Variants in DNAJC1 observed in about 807,000 individuals in gnomAD.
DNAJC1 encodes the protein dnaJ homolog subfamily C member 1.
In DNAJC1, 58 loss-of-function variants were observed where a neutral mutation model predicts 76.6. That is an observed-to-expected ratio of 0.76 (90% CI 0.61 to 0.94). The LOEUF (loss-of-function observed/expected upper bound fraction) is 0.94. Ranked by LOEUF, DNAJC1 falls within the 40% of genes least tolerant of loss-of-function variation. The pLI, the probability that DNAJC1 is intolerant of heterozygous loss-of-function variation, is 0.00. For missense variants in DNAJC1, 689 were observed against 677.3 expected (o/e 1.02, Z -0.19); for synonymous variants, 258 against 267.9 (o/e 0.96, Z 0.36).
At chr10:21,843,524 G>C (rs1835605738) in intron 8 of DNAJC1, among the ~76,000 whole-genome samples, 3 of 151,622 alleles carry the variant, frequency 2.0e-5, no homozygotes, top group Admixed American at 2.0e-4. Context: ...CTCCCAAGTG[G>C]CTGGGAGTAC....
chr10:21,987,190 C>G (rs1838262972), intron 1 of DNAJC1, among the ~76,000 whole-genome samples: 1 of 152,066 alleles, frequency 6.6e-6, no homozygotes, highest in African/African-American at 2.4e-5. Context: ...ACATTTTATA[C>G]TCCCTCAGCT....
intron 10 of DNAJC1, among the ~76,000 whole-genome samples, chr10:21,765,459 G>A (rs1834289468): frequency 6.6e-6 from 1 of 152,174 alleles, no homozygotes; most frequent in African/African-American, 2.4e-5. Flanking sequence ...AGGTTGCAAA[G>A]TTTCTGAAGC....
At chr10:21,879,615 C>G (rs1836239919) in intron 8 of DNAJC1, among the ~76,000 whole-genome samples, 2 of 152,122 alleles carry the variant, frequency 1.3e-5, no homozygotes, top group East Asian at 1.9e-4. Context: ...CAGAGAGAGA[C>G]TCTGTCTCAA....
intron 1 of DNAJC1, among the ~76,000 whole-genome samples, chr10:21,985,955 C>T (rs936523200): frequency 2.0e-5 from 3 of 152,094 alleles, no homozygotes; most frequent in African/African-American, 4.8e-5. Context: ...CGGCCGGGCA[C>T]GGTGGCTCAC....
intron 8 of DNAJC1, among the ~76,000 whole-genome samples, chr10:21,878,946 G>C (rs1226974063): frequency 6.6e-6 from 1 of 152,106 alleles, no homozygotes; most frequent in Non-Finnish European, 1.5e-5. Context: ...GTATTATACA[G>C]CAATGAAAAT....
At chr10:21,854,556 T>C (rs1206001974) in intron 8 of DNAJC1, among the ~76,000 whole-genome samples, 1 of 151,980 alleles carries the variant, frequency 6.6e-6, no homozygotes, top group Non-Finnish European at 1.5e-5. Flanking sequence ...CATTTAGAGA[T>C]ACAGGAAAAA....
intron 1 of DNAJC1, among the ~76,000 whole-genome samples, chr10:21,961,532 T>C (rs1837790930): frequency 6.6e-6 from 1 of 152,070 alleles, no homozygotes; most frequent in South Asian, 2.1e-4. Context: ...GGCAAATCCA[T>C]AGAGACAGAA....
intron 1 of DNAJC1, among the ~76,000 whole-genome samples, chr10:21,941,095 C>CAAAAAAAAAAAA (rs1208799870): frequency 1.0e-4 from 4 of 39,040 alleles, no homozygotes; most frequent in East Asian, 6.2e-4. Context: ...ACTAAAAATA[C>CAAAAAAAAAAAA]AAAAAAAAAA....
In DNAJC1 at chr10:21,928,506, C is replaced by G; in HGVS notation, c.371G>C (p.Arg124Thr). Residue 124 changes from arginine to threonine, a missense_variant and splice_region_variant, in exon 3 of 12, where the codon AGG (arginine) becomes ACG (threonine). Physicochemically the swap from Arg to Thr is moderately conservative, Grantham distance 71. Coordinates refer to ENST00000376980, the MANE Select transcript of DNAJC1 (RefSeq NM_022365.4). ...TTCAAAAGCAGAAATGAACACTCAC[C>G]TCTGCCTTCGTTCATCATCCTTTAA... ...EVLKDDERRQ[R>T]YDDILINGLP... The G allele has an allele frequency of 6.2e-7, 1 of 1,612,278 alleles. No homozygotes were observed. Among genetic ancestry groups the G allele is most frequent in the Non-Finnish European group, 8.5e-7 (1 of 1,178,724 alleles).
chr10:21,928,187 T>C (rs576150487), intron 3 of DNAJC1, among the ~76,000 whole-genome samples: 179 of 152,292 alleles, frequency 1.2e-3, no homozygotes, highest in African/African-American at 2.7e-3. Context: ...TGGGAAGGAA[T>C]GGACATTTAT....
chr10:21,927,813 G>A (rs769416088), intron 3 of DNAJC1, among the ~76,000 whole-genome samples: 1 of 152,110 alleles, frequency 6.6e-6, no homozygotes, highest in African/African-American at 2.4e-5. Flanking sequence ...AGGGGCCTCT[G>A]TGTAATCTCC....
chr10:21,944,964 G>A (rs1474502056), intron 1 of DNAJC1, among the ~76,000 whole-genome samples: 2 of 152,218 alleles, frequency 1.3e-5, no homozygotes, highest in Non-Finnish European at 2.9e-5. Flanking sequence ...TGCCAAGTAG[G>A]AGGTGTTTTT....
At chr10:21,968,684 G>A (rs890382200) in intron 1 of DNAJC1, among the ~76,000 whole-genome samples, 1 of 151,644 alleles carries the variant, frequency 6.6e-6, no homozygotes, top group African/African-American at 2.4e-5. Context: ...CTAATTTTTT[G>A]TATTTTTAGT....
At chr10:21,822,493 A>G (rs1274500342) in intron 8 of DNAJC1, among the ~76,000 whole-genome samples, 1 of 151,788 alleles carries the variant, frequency 6.6e-6, no homozygotes, top group East Asian at 1.9e-4. Flanking sequence ...AAATAAATAC[A>G]TGGAGACGAT....
intron 9 of DNAJC1, among the ~76,000 whole-genome samples, chr10:21,782,589 A>G (rs1232768346): frequency 6.6e-6 from 1 of 152,192 alleles, no homozygotes; most frequent in Admixed American, 6.5e-5. Context: ...CCTGGCAGAG[A>G]CACAACAAAA....
chr10:21,931,811 T>G (rs536461302), intron 1 of DNAJC1, among the ~76,000 whole-genome samples: 6 of 152,220 alleles, frequency 3.9e-5, no homozygotes, highest in African/African-American at 1.4e-4. Context: ...TTAGATGTTT[T>G]ATCTCTCCAG....
chr10:21,952,756 C>CTCAATCAA (rs533597442), intron 1 of DNAJC1, among the ~76,000 whole-genome samples: 1 of 152,098 alleles, frequency 6.6e-6, no homozygotes, highest in Non-Finnish European at 1.5e-5. Flanking sequence ...AAGACTCCGT[C>CTCAATCAA]TCAATCAATC....
intron 5 of DNAJC1, 90 bp from the exon 6 acceptor site, chr10:21,918,962 A>G: frequency 1.1e-6 from 1 of 887,496 alleles, no homozygotes; most frequent in Admixed American, 2.2e-5. Context: ...AAAGATCATG[A>G]ATTCTTTTGT....
At chr10:21,870,974 T>C (rs2131708693) in intron 8 of DNAJC1, among the ~76,000 whole-genome samples, 1 of 140,010 alleles carries the variant, frequency 7.1e-6, no homozygotes, top group Non-Finnish European at 1.6e-5. Flanking sequence ...ATGAACTAAC[T>C]TGCAAAGAAT....
Sources: allele counts gnomAD v4.1 joint callset (sites outside exome capture counted in the v4.1 genomes callset), GRCh38; gene constraint gnomAD v4.1.1; transcripts MANE v1.5; gene names NCBI Gene and HGNC (gene_info 2026-07-23, HGNC 2026-07-21).